Variants in NMNAT3 observed in about 807,000 individuals in gnomAD.
NMNAT3 encodes nicotinamide/nicotinic acid mononucleotide adenylyltransferase 3.
In NMNAT3, 21 loss-of-function variants were observed where a neutral mutation model predicts 24.8. The ratio of observed to expected loss-of-function variants is 0.85; its 90% confidence interval spans 0.60 to 1.22. NMNAT3 has a LOEUF of 1.22. Among genes scored for constraint, NMNAT3 ranks in the 50% most tolerant of loss-of-function variants. The pLI is 0.00. For synonymous variants in NMNAT3, 136 were observed against 155.2 expected, an observed-to-expected ratio of 0.88 and a Z score of 0.92; for missense variants, 387 against 436.6, an observed-to-expected ratio of 0.89 and a Z score of 1.01.
intron 5 of NMNAT3, among the ~76,000 whole-genome samples, chr3:139,578,305 A>AT: frequency 6.6e-6 from 1 of 152,184 alleles, no homozygotes; most frequent in Admixed American, 6.5e-5. Context: ...CTGTTTCTAG[A>AT]TTTATAGTCT....
At chr3:139,628,560 T>C (rs2056155765) in intron 2 of NMNAT3, among the ~76,000 whole-genome samples, 1 of 152,224 alleles carries the variant, frequency 6.6e-6, no homozygotes, top group African/African-American at 2.4e-5. Flanking sequence ...CTATTGTCCT[T>C]TATCTGGGGC....
intron 1 of NMNAT3, among the ~76,000 whole-genome samples, chr3:139,662,304 T>G (rs556617821): frequency 1.5e-4 from 23 of 152,246 alleles, no homozygotes; most frequent in African/African-American, 5.3e-4. Context: ...CTGTCACTGA[T>G]GGGCTGTTTG....
chr3:139,633,704 G>C (rs1417859234), intron 2 of NMNAT3, among the ~76,000 whole-genome samples: 1 of 152,164 alleles, frequency 6.6e-6, no homozygotes, highest in South Asian at 2.1e-4. Flanking sequence ...GCAGCTGAAG[G>C]TGGGAGGTGA....
intron 3 of NMNAT3, among the ~76,000 whole-genome samples, chr3:139,614,241 TAAAAA>T (rs79015886): frequency 7.0e-6 from 1 of 142,390 alleles, no homozygotes. Context: ...GATATTTTAC[TAAAAA>T]AAAAAAAAAC....
At chr3:139,662,140 C>T (rs1158639918) in intron 1 of NMNAT3, among the ~76,000 whole-genome samples, 1 of 152,176 alleles carries the variant, frequency 6.6e-6, no homozygotes, top group Non-Finnish European at 1.5e-5. Context: ...TGGGGGCTCT[C>T]ATTCCCACAG....
chr3:139,602,863 G>A (rs999572378), intron 3 of NMNAT3, among the ~76,000 whole-genome samples: 2 of 152,116 alleles, frequency 1.3e-5, no homozygotes, highest in Non-Finnish European at 2.9e-5. Flanking sequence ...CATGTCTAAT[G>A]GATTCCTTGT....
At chr3:139,633,248 T>G (rs2056371604) in intron 2 of NMNAT3, among the ~76,000 whole-genome samples, 1 of 151,884 alleles carries the variant, frequency 6.6e-6, no homozygotes. Context: ...TGGCACGATC[T>G]CAACTCACCG....
intron 1 of NMNAT3, among the ~76,000 whole-genome samples, chr3:139,639,079 T>C (rs1417940304): frequency 2.0e-5 from 3 of 152,232 alleles, no homozygotes; most frequent in African/African-American, 7.2e-5. Flanking sequence ...TCTTCTCCTC[T>C]GCCTTCCACA....
Position 139,560,394 on chromosome 3 carries a change from C to G in NMNAT3, c.*616G>C, listed in dbSNP as rs958582272. On this transcript the variant is annotated 3_prime_UTR_variant, in exon 7 of 7. Coordinates refer to ENST00000643695, the MANE Select transcript of NMNAT3 (RefSeq NM_001320510.2). ...TGTATCAAAAATATTGCTTGAGGAT[C>G]ACTACGTAGAAAGAGTTTTGTTTAA... 6 of 152,622 alleles carry G rather than the reference C, an allele frequency of 3.9e-5. No homozygotes were observed. The highest frequency in any genetic ancestry group is 1.4e-4 in the African/African-American group (6 of 41,434). 9.5% of individuals were successfully genotyped at this position (152,622 alleles called of 1,614,324 possible). A position where few individuals can be genotyped will look rare whatever the true frequency, so the allele number is the denominator to read the frequency against.
intron 6 of NMNAT3, chr3:139,570,847 G>C (rs1281523541): frequency 6.6e-6 from 1 of 152,624 alleles, no homozygotes; most frequent in African/African-American, 2.4e-5. Context: ...CGTGCTGGGA[G>C]AACCACTACT....
In NMNAT3 at chr3:139,649,924, C is replaced by A. The variant is rs541986480; in HGVS notation, c.-140-11862G>T. Among the ~76,000 whole-genome samples, 3 of 152,266 alleles carry A rather than the reference C, an allele frequency of 2.0e-5. No individual in the cohort carries two copies. The East Asian group carries it at 5.8e-4, about 29-fold the overall frequency. Reference sequence around the variant, plus strand: ...AAACATGCATTGACTTCACAACATTCAATTTAGGGGCCATGAAGAGATGAA... The same window carrying A: ...AAACATGCATTGACTTCACAACATTAAATTTAGGGGCCATGAAGAGATGAA... On this transcript the variant is annotated intron_variant, in intron 1 of 6. Transcript: ENST00000643695.
chr3:139,635,030 G>C (rs2056448803), intron 2 of NMNAT3: 1 of 152,192 alleles, frequency 6.6e-6, no homozygotes, highest in South Asian at 2.1e-4. Context: ...CTACCTCTTA[G>C]AACTTTCATG....
intron 1 of NMNAT3, among the ~76,000 whole-genome samples, 199 bp from the exon 2 acceptor site, chr3:139,638,261 C>T (rs557706280): frequency 2.9e-4 from 44 of 152,304 alleles, no homozygotes; most frequent in Middle Eastern, 3.4e-3. Context: ...GTTGTATCTG[C>T]TGCCTTGGCT....
At chr3:139,674,612 T>G (rs968151065) in intron 1 of NMNAT3, among the ~76,000 whole-genome samples, 4 of 152,240 alleles carry the variant, frequency 2.6e-5, no homozygotes, top group Admixed American at 2.6e-4. Flanking sequence ...GGTTTTTTTC[T>G]TTTTAAAATT....
chr3:139,633,970 G>A (rs540240203), intron 2 of NMNAT3, among the ~76,000 whole-genome samples: 4 of 152,180 alleles, frequency 2.6e-5, no homozygotes, highest in Non-Finnish European at 5.9e-5. Flanking sequence ...GTCTCAGGAC[G>A]GCCCCAGCTG....
At chr3:139,580,082 A>G (rs909975239) in intron 4 of NMNAT3, among the ~76,000 whole-genome samples, 3 of 152,174 alleles carry the variant, frequency 2.0e-5, no homozygotes, top group Non-Finnish European at 4.4e-5. Context: ...TGTCCTAATC[A>G]GATTTTGGTA....
chr3:139,655,280 G>T (rs1018967561), intron 1 of NMNAT3, among the ~76,000 whole-genome samples: 3 of 152,184 alleles, frequency 2.0e-5, no homozygotes, highest in Non-Finnish European at 4.4e-5. Flanking sequence ...TGGCTGGTAA[G>T]CCTCTGCGTG....
rs1351119029 is a variant in NMNAT3 at position 139,627,237 on chromosome 3, C to T, written c.109+379G>A. On this transcript the variant is annotated intron_variant, in intron 3 of 6. Coordinates refer to ENST00000643695, the MANE Select transcript of NMNAT3 (RefSeq NM_001320510.2). ...GCCCATTATCAAGCATTTTCTTACC[C>T]TCTGAAGAGTATCAGGAGCTTTCTA... 2.0e-5 allele frequency among the ~76,000 whole-genome samples: 3 copies of T among 152,116 alleles called. No individual in the cohort carries two copies. The South Asian group carries it at 6.2e-4, about 32-fold the overall frequency.
intron 5 of NMNAT3, 94 bp from the exon 6 acceptor site, chr3:139,573,774 C>T: frequency 1.6e-6 from 1 of 634,368 alleles, no homozygotes; most frequent in Non-Finnish European, 2.7e-6. Context: ...CTGCTTTTAT[C>T]TACTTTAGTT....
Sources: gnomAD v4.1 joint callset for allele counts (sites outside exome capture counted in the v4.1 genomes callset) on GRCh38, gnomAD v4.1.1 for gene constraint, MANE v1.5 for transcripts, NCBI Gene and HGNC (gene_info 2026-07-23, HGNC 2026-07-21) for gene names.